Variants in CENPI observed in about 807,000 individuals in gnomAD.
CENPI encodes the protein centromere protein I.
Under a neutral mutation model 60.4 loss-of-function variants are expected in CENPI, and 4 were observed. The observed-to-expected ratio is 0.07, with a 90% CI of 0.03 to 0.15. The LOEUF is 0.15. CENPI is among the 10% of genes least tolerant of loss of function. The pLI is 1.00. For synonymous variants in CENPI, 157 were observed against 189.4 expected (o/e 0.83, Z 1.40); for missense variants, 444 against 534.5 (o/e 0.83, Z 1.67).
chrX:101,146,318 A>C (rs2089961225), intron 18 of CENPI, 41 bp downstream of exon 18: 1 of 1,110,699 alleles, frequency 9.0e-7, no homozygotes, highest in Admixed American at 2.5e-5. Flanking sequence ...AGTGTATTAT[A>C]ATTCTCTCTT....
chrX:101,158,364 G>A (rs1431626374), intron 20 of CENPI, among the ~76,000 whole-genome samples: 2 of 94,459 alleles, frequency 2.1e-5, no homozygotes, highest in African/African-American at 4.1e-5. Flanking sequence ...CACAACCTCC[G>A]CCTCCTGGGT....
intron 4 of CENPI, among the ~76,000 whole-genome samples, chrX:101,105,197 T>C (rs1390187912): frequency 2.7e-5 from 3 of 111,872 alleles, no homozygotes; most frequent in Non-Finnish European, 3.8e-5. Flanking sequence ...TCTGTCAAGA[T>C]CAATTCTCCC....
chrX:101,160,365 G>GTT (rs2090096080), intron 20 of CENPI, among the ~76,000 whole-genome samples: 1 of 102,276 alleles, frequency 9.8e-6, no homozygotes, highest in Non-Finnish European at 2.0e-5. Flanking sequence ...AGCACCCTTA[G>GTT]CTTTTAGTTC....
At chrX:101,099,431 CAAAAA>C (rs551596409) in intron 2 of CENPI, among the ~76,000 whole-genome samples, 3 of 84,675 alleles carry the variant, frequency 3.5e-5, no homozygotes, top group Admixed American at 1.4e-4. Context: ...GAGACTGTCT[CAAAAA>C]AAAAAAAAAA....
intron 6 of CENPI, among the ~76,000 whole-genome samples, chrX:101,115,808 C>T (rs2089616308): frequency 8.9e-6 from 1 of 111,972 alleles, no homozygotes. Context: ...CAGTAACTCC[C>T]TATTCCCTCT....
intron 6 of CENPI, among the ~76,000 whole-genome samples, chrX:101,117,646 G>A (rs1236290921): frequency 8.9e-6 from 1 of 111,942 alleles, no homozygotes; most frequent in Non-Finnish European, 1.9e-5. Context: ...CATACACTTA[G>A]TGTGTAGCTC....
At chrX:101,169,902 A>G (rs2090152701), downstream of CENPI, among the ~76,000 whole-genome samples, 1 of 111,152 alleles carries the variant, frequency 9.0e-6, no homozygotes, top group African/African-American at 3.3e-5. Flanking sequence ...TAAAGAAAAT[A>G]TTTTGTACAG....
chrX:101,105,472 C>A (rs1259394509), intron 4 of CENPI, among the ~76,000 whole-genome samples: 1 of 111,768 alleles, frequency 8.9e-6, no homozygotes, highest in Admixed American at 9.6e-5. Flanking sequence ...TGCAGTGAGC[C>A]GAGGTCATGC....
chrX:101,170,380 A>G (rs1373478508), downstream of CENPI, among the ~76,000 whole-genome samples: 2 of 111,787 alleles, frequency 1.8e-5, no homozygotes, highest in Admixed American at 9.6e-5. Context: ...CACATTTCTC[A>G]GGACATGGCA....
intron 4 of CENPI, among the ~76,000 whole-genome samples, chrX:101,105,052 T>C (rs1464545955): frequency 8.9e-6 from 1 of 111,918 alleles, no homozygotes; most frequent in Non-Finnish European, 1.9e-5. Flanking sequence ...TTTATTTCTC[T>C]ATTTTTATCT....
intron 20 of CENPI, among the ~76,000 whole-genome samples, chrX:101,149,015 G>C (rs894233321): frequency 9.0e-6 from 1 of 111,375 alleles, no homozygotes; most frequent in Admixed American, 9.7e-5. Context: ...ACAATAATAA[G>C]TGATGTAATA....
At chrX:101,178,589 T>C in the CENPI span, among the ~76,000 whole-genome samples, 11 of 109,309 alleles carry the variant, frequency 1.0e-4, no homozygotes, top group Admixed American at 2.9e-4. Flanking sequence ...TTTTGTATTT[T>C]TATTAGAAAT....
At chrX:101,134,965 G>C (rs1042954925) in intron 15 of CENPI, among the ~76,000 whole-genome samples, 1 of 109,741 alleles carries the variant, frequency 9.1e-6, no homozygotes, top group Admixed American at 9.9e-5. Context: ...AGTGAGCCGA[G>C]GTTGCACCAC....
At chrX:101,142,412 C>G (rs770930790) in intron 16 of CENPI, among the ~76,000 whole-genome samples, 1 of 111,839 alleles carries the variant, frequency 8.9e-6, no homozygotes, top group African/African-American at 3.2e-5. Flanking sequence ...TTAAATAATT[C>G]TTTTTATTAA....
intron 4 of CENPI, among the ~76,000 whole-genome samples, chrX:101,105,884 A>T (rs2089478485): frequency 9.4e-6 from 1 of 106,748 alleles, no homozygotes; most frequent in Non-Finnish European, 1.9e-5. Flanking sequence ...GTTACTTTTC[A>T]TTTTTTTTTT....
At chrX:101,099,296 T>C (rs1188766388) in intron 2 of CENPI, among the ~76,000 whole-genome samples, 4 of 109,730 alleles carry the variant, frequency 3.6e-5, no homozygotes, top group Non-Finnish European at 5.7e-5. Context: ...GGTATGGTGG[T>C]GTGCGCCTGT....
At chrX:101,126,409 A>G (rs1164132940) in intron 8 of CENPI, among the ~76,000 whole-genome samples, 1 of 112,052 alleles carries the variant, frequency 8.9e-6, no homozygotes, top group East Asian at 2.8e-4. Context: ...AGAATAAGCT[A>G]TGCTATGCTA....
At chrX:101,099,070 G>C (rs766122733) in intron 2 of CENPI, among the ~76,000 whole-genome samples, 59 of 98,049 alleles carry the variant, frequency 6.0e-4, no homozygotes, top group Non-Finnish European at 1.1e-3. Context: ...TTCTGTCTCT[G>C]TCTGTCTCTC....
At position 101,127,239 on chromosome X, in the gene CENPI, T is replaced by C. The variant is rs768356315; in HGVS notation, c.879T>C (p.Gly293=). 9.1e-5 allele frequency: 108 copies of C among 1,186,443 alleles called. No individual in the cohort carries two copies. Among genetic ancestry groups the C allele is most frequent in the East Asian group, 5.1e-4 (17 of 33,508 alleles). The change falls in exon 10 of 22, where the codon GGT becomes GGC. Residue 293 remains glycine, a synonymous_variant. Transcript: ENST00000682095. ...CAGAACCTCTGAAGTTGATGTTAGG[T>C]CCAGCTAATGTTCGTCCTCTAAAAA... The part of the protein sequence containing the change: ...PSPEPLKLML[G]PANVRPLKRK...
Sources: allele counts gnomAD v4.1 joint callset (sites outside exome capture counted in the v4.1 genomes callset), GRCh38; gene constraint gnomAD v4.1.1; transcripts MANE v1.5; gene names NCBI Gene and HGNC (gene_info 2026-07-23, HGNC 2026-07-21).